The following TMEM67 variants were observed in gnomAD, a reference collection of about 807,000 sequenced individuals.
TMEM67 encodes meckelin.
In TMEM67, 124 loss-of-function variants were observed where a neutral mutation model predicts 136.6. The ratio of observed to expected loss-of-function variants is 0.91; its 90% CI spans 0.78 to 1.05. TMEM67 has a LOEUF of 1.05. Among genes scored for constraint, TMEM67 ranks in the 50% least tolerant of loss-of-function variants. TMEM67 has a pLI of 0.00. For synonymous variants in TMEM67, 364 were observed against 390.5 expected, an observed-to-expected ratio of 0.93 and a Z score of 0.80; for missense variants, 1,107 against 1,178.4, an observed-to-expected ratio of 0.94 and a Z score of 0.89.
downstream of TMEM67, among the ~76,000 whole-genome samples, chr8:93,823,880 G>T: frequency 1.4e-5 from 2 of 147,862 alleles, no homozygotes. Flanking sequence ...TCAATCCACT[G>T]AACAGTTCTC....
chr8:93,814,551 C>G (rs1245453683), intron 26 of TMEM67, among the ~76,000 whole-genome samples: 1 of 151,658 alleles, frequency 6.6e-6, no homozygotes, highest in Non-Finnish European at 1.5e-5. Context: ...GCTATAACCT[C>G]AAACTCCTTG....
chr8:93,820,974 A>G (rs149016893), downstream of TMEM67, among the ~76,000 whole-genome samples: 2 of 152,334 alleles, frequency 1.3e-5, no homozygotes, highest in Admixed American at 6.5e-5. Context: ...TACAAGGAAT[A>G]CATGGCTGTG....
In TMEM67 at chr8:93,765,631, A is replaced by T; in HGVS notation, c.636A>T (p.Ala212=). The change falls in exon 6 of 28, where the codon GCA becomes GCT. Residue 212 remains alanine (A), a synonymous_variant. Coordinates refer to ENST00000453321, the MANE Select transcript of TMEM67 (RefSeq NM_153704.6). ...GNFPLRRISA[A]RYGEVGMSLT... ...TTCCTCTACGTAGAATTTCAGCTGCACGTTATGGAGAAGTTGTGAGTATGT... is the reference window on the plus strand; with the variant it reads ...TTCCTCTACGTAGAATTTCAGCTGCTCGTTATGGAGAAGTTGTGAGTATGT... The T allele has an allele frequency of 3.7e-6, 6 of 1,611,756 alleles. No homozygotes were observed. The highest frequency in any genetic ancestry group is 5.1e-6 in the Non-Finnish European group (6 of 1,177,806).
chr8:93,820,869 C>T (rs191758057), downstream of TMEM67, among the ~76,000 whole-genome samples: 13 of 152,298 alleles, frequency 8.5e-5, no homozygotes, highest in African/African-American at 3.1e-4. Flanking sequence ...TAGCAATAGA[C>T]AAACTGCCTG....
At chr8:93,778,224 C>G (rs1298734083) in intron 7 of TMEM67, among the ~76,000 whole-genome samples, 1 of 152,164 alleles carries the variant, frequency 6.6e-6, no homozygotes, top group Non-Finnish European at 1.5e-5. Context: ...TCCTCCATCC[C>G]TTTATTTTGA....
the TMEM67 span, among the ~76,000 whole-genome samples, chr8:93,824,314 T>C: frequency 6.6e-6 from 1 of 152,216 alleles, no homozygotes; most frequent in Admixed American, 6.5e-5. Context: ...CTACCTTGTA[T>C]CACACAAGCA....
chr8:93,773,487 G>A (rs974796772), intron 7 of TMEM67, among the ~76,000 whole-genome samples: 2 of 152,306 alleles, frequency 1.3e-5, no homozygotes, highest in South Asian at 4.1e-4. Context: ...AGTAATCTGA[G>A]TGAGAGATAG....
At chr8:93,763,138 C>T in intron 3 of TMEM67, 1 of 255,132 alleles carries the variant, frequency 3.9e-6, no homozygotes, top group Non-Finnish European at 8.0e-6. Context: ...CCATATTGGC[C>T]AGGCTGGTCT....
Position 93,817,615 on chromosome 8 carries a change from A to G in TMEM67, c.*1163A>G, listed in dbSNP as rs1808958694. 1 of 152,244 alleles carries G rather than the reference A, an allele frequency of 6.6e-6. No individual in the cohort carries two copies. The highest frequency in any genetic ancestry group is 2.4e-5 in the African/African-American group (1 of 41,468). 9.4% of individuals were successfully genotyped at this position (152,244 alleles called of 1,614,324 possible). A position where few individuals can be genotyped will look rare whatever the true frequency, so the allele number is the denominator to read the frequency against. ...GTAAATACTTAAAATGGAATACTGT[A>G]TAAATATTATTTATATTTTCTCAGA... is the stretch of plus-strand genomic sequence containing the variant. On this transcript the variant is annotated 3_prime_UTR_variant, in exon 28 of 28. Transcript: ENST00000453321.
chr8:93,788,984 T>C (rs13278634), intron 14 of TMEM67, among the ~76,000 whole-genome samples: 15,205 of 152,118 alleles, frequency 0.1, 901 homozygotes, highest in Middle Eastern at 0.13. Flanking sequence ...GAGAGAGGGA[T>C]AGAGGTAAAA....
intron 3 of TMEM67, chr8:93,759,957 A>T: frequency 6.5e-7 from 1 of 1,538,176 alleles, no homozygotes; most frequent in South Asian, 1.2e-5. Flanking sequence ...CTTGGCATGT[A>T]CTTTAGAAGG....
intron 3 of TMEM67, among the ~76,000 whole-genome samples, chr8:93,761,804 C>T (rs1812849118): frequency 6.6e-6 from 1 of 152,058 alleles, no homozygotes; most frequent in African/African-American, 2.4e-5. Flanking sequence ...CTTGGTATTC[C>T]ACTATTTAGC....
chr8:93,805,528 C>T (rs1347814326), intron 23 of TMEM67, among the ~76,000 whole-genome samples: 2 of 151,030 alleles, frequency 1.3e-5, no homozygotes, highest in Non-Finnish European at 2.9e-5. Context: ...TTGCAGTGAG[C>T]CGAGATTGCG....
At chr8:93,781,852 G>T in intron 10 of TMEM67, 108 bp downstream of exon 10, 2 of 554,136 alleles carry the variant, frequency 3.6e-6, no homozygotes, top group Non-Finnish European at 6.2e-6. Context: ...ACATACTACA[G>T]TTGATTTTTT....
Position 93,780,758 on chromosome 8 carries a change from T to G in TMEM67, c.869+11T>G, listed in dbSNP as rs759451327. On this transcript the variant is annotated intron_variant, in intron 8 of 27. Transcript: ENST00000453321. ...TTCTATTTCATTTTGGTAAGGATAT[T>G]TTGATTGATGAAATGTTATTTTGAC... The G allele has an allele frequency of 3.2e-5, 52 of 1,613,728 alleles. No homozygotes were observed. The highest frequency in any genetic ancestry group is 4.2e-5 in the Non-Finnish European group (50 of 1,179,972).
intron 26 of TMEM67, among the ~76,000 whole-genome samples, chr8:93,812,017 T>C (rs1308098505): frequency 6.6e-6 from 1 of 151,296 alleles, no homozygotes; most frequent in South Asian, 2.1e-4. Context: ...GGCATGGTGG[T>C]GCATGCCTGT....
intron 14 of TMEM67, 61 bp from the exon 15 acceptor site, chr8:93,791,202 C>G: frequency 8.8e-7 from 1 of 1,136,652 alleles, no homozygotes; most frequent in Admixed American, 1.9e-5. Flanking sequence ...ATTTTTATAA[C>G]AAAAATAAGT....
intron 3 of TMEM67, chr8:93,762,890 A>G (rs1209343073): frequency 1.0e-5 from 4 of 398,188 alleles, no homozygotes; most frequent in South Asian, 3.9e-5. Context: ...AGTTAACGGT[A>G]TGCTCTGATG....
At chr8:93,784,931 T>TA (rs1186524312) in intron 11 of TMEM67, among the ~76,000 whole-genome samples, 1 of 152,174 alleles carries the variant, frequency 6.6e-6, no homozygotes, top group African/African-American at 2.4e-5. Flanking sequence ...AATGAAGGTA[T>TA]ACCTCCTTCA....
Sources: gnomAD v4.1 joint callset for allele counts (sites outside exome capture counted in the v4.1 genomes callset) on GRCh38, gnomAD v4.1.1 for gene constraint, MANE v1.5 for transcripts, NCBI Gene and HGNC (gene_info 2026-07-23, HGNC 2026-07-21) for gene names.